The following ADGRB3 variants were observed in gnomAD, a reference collection of about 807,000 sequenced individuals.
The protein encoded by ADGRB3 is adhesion G protein-coupled receptor B3, also known as brain-specific angiogenesis inhibitor 3.
A neutral mutation model predicts 193.4 loss-of-function variants in ADGRB3; 37 were observed. That is an observed-to-expected ratio of 0.19 (90% CI 0.15 to 0.25). ADGRB3 has a LOEUF of 0.25. Ranked by LOEUF, ADGRB3 falls within the 10% of genes least tolerant of loss-of-function variation. The probability of loss-of-function intolerance (pLI) is 1.00; values close to 1 mark genes in which losing one functional copy is unlikely to be tolerated. For missense variants in ADGRB3, 1,637 were observed against 1,852.9 expected, an observed-to-expected ratio of 0.88 and a Z score of 2.14; for synonymous variants, 690 against 644.2, an observed-to-expected ratio of 1.07 and a Z score of -1.08.
intron 10 of ADGRB3, among the ~76,000 whole-genome samples, chr6:68,981,235 T>C (rs1022701165): frequency 1.3e-5 from 2 of 151,678 alleles, no homozygotes; most frequent in East Asian, 1.9e-4. Context: ...AGAAGTCTCT[T>C]TATTTTATTC....
chr6:69,302,560 A>G (rs1374414781), intron 20 of ADGRB3, among the ~76,000 whole-genome samples: 1 of 151,908 alleles, frequency 6.6e-6, no homozygotes, highest in Non-Finnish European at 1.5e-5. Flanking sequence ...CCCCAAACAT[A>G]ACGTCTGTAA....
intron 24 of ADGRB3, 43 bp from the exon 25 acceptor site, chr6:69,338,873 T>C (rs1416381245): frequency 6.4e-7 from 1 of 1,562,708 alleles, no homozygotes; most frequent in Non-Finnish European, 8.7e-7. Context: ...TTGGTGACAA[T>C]TCAATATTTT....
chr6:69,277,060 A>G (rs1767318519), intron 20 of ADGRB3, among the ~76,000 whole-genome samples: 1 of 141,322 alleles, frequency 7.1e-6, no homozygotes, highest in African/African-American at 2.7e-5. Context: ...CAGTGGCGTG[A>G]TCTCAGCTCA....
At chr6:68,720,427 A>T (rs1204017831) in intron 3 of ADGRB3, among the ~76,000 whole-genome samples, 1 of 151,574 alleles carries the variant, frequency 6.6e-6, no homozygotes, top group African/African-American at 2.4e-5. Flanking sequence ...TTTTAATTTT[A>T]CCTGATTCGA....
intron 20 of ADGRB3, among the ~76,000 whole-genome samples, chr6:69,268,179 C>A (rs1032724416): frequency 6.6e-6 from 1 of 152,058 alleles, no homozygotes; most frequent in Non-Finnish European, 1.5e-5. Context: ...TAAATAATTA[C>A]AGAAATTTGT....
chr6:69,326,211 C>T (rs979790745), intron 21 of ADGRB3, among the ~76,000 whole-genome samples: 4 of 152,112 alleles, frequency 2.6e-5, no homozygotes, highest in African/African-American at 4.8e-5. Context: ...CCACGACACT[C>T]CAACTTGTGT....
At chr6:68,861,832 C>T (rs1582263163) in intron 3 of ADGRB3, among the ~76,000 whole-genome samples, 2 of 152,094 alleles carry the variant, frequency 1.3e-5, no homozygotes, top group African/African-American at 2.4e-5. Flanking sequence ...ATGCTACTTA[C>T]CTCTCTGTGC....
At chr6:68,654,214 A>G (rs1768439766) in intron 3 of ADGRB3, among the ~76,000 whole-genome samples, 1 of 151,990 alleles carries the variant, frequency 6.6e-6, no homozygotes, top group Non-Finnish European at 1.5e-5. Flanking sequence ...ATCTCCCCTC[A>G]GAGGCGGGAG....
intron 3 of ADGRB3, among the ~76,000 whole-genome samples, chr6:68,743,920 G>C (rs1055057518): frequency 3.9e-5 from 6 of 151,902 alleles, no homozygotes; most frequent in African/African-American, 1.5e-4. Context: ...AGTGAGAATG[G>C]TTAGAGCCCT....
At chr6:68,936,701 A>G in intron 5 of ADGRB3, 21 bp downstream of exon 5, 1 of 1,602,224 alleles carries the variant, frequency 6.2e-7, no homozygotes, top group South Asian at 1.1e-5. Context: ...CAGCAACTAC[A>G]ACTGTGGATG....
chr6:69,131,799 C>G (rs1427423092), intron 17 of ADGRB3, among the ~76,000 whole-genome samples: 2 of 151,362 alleles, frequency 1.3e-5, no homozygotes, highest in South Asian at 4.2e-4. Flanking sequence ...CTGACAGGCC[C>G]TTTTGTGAGA....
At chr6:69,315,647 A>G (rs1007520074) in intron 20 of ADGRB3, among the ~76,000 whole-genome samples, 2 of 151,412 alleles carry the variant, frequency 1.3e-5, no homozygotes, top group Non-Finnish European at 3.0e-5. Context: ...ATTTCTTTCC[A>G]TAGCATAATT....
At chr6:69,265,533 A>C (rs766647473) in intron 20 of ADGRB3, among the ~76,000 whole-genome samples, 3 of 151,978 alleles carry the variant, frequency 2.0e-5, no homozygotes, top group Non-Finnish European at 4.4e-5. Context: ...TTTGATTAGA[A>C]TTTAACTTAA....
chr6:68,735,757 A>G (rs1484686525), intron 3 of ADGRB3, among the ~76,000 whole-genome samples: 1 of 152,068 alleles, frequency 6.6e-6, no homozygotes, highest in Admixed American at 6.6e-5. Flanking sequence ...TATAGAGAAA[A>G]AGAACTCAAG....
intron 17 of ADGRB3, among the ~76,000 whole-genome samples, chr6:69,081,166 A>G (rs1265478513): frequency 6.6e-6 from 1 of 152,064 alleles, no homozygotes; most frequent in African/African-American, 2.4e-5. Flanking sequence ...TTAAAATTCC[A>G]TAGAACTTTC....
At chr6:68,831,714 A>C (rs1275455514) in intron 3 of ADGRB3, among the ~76,000 whole-genome samples, 1 of 151,400 alleles carries the variant, frequency 6.6e-6, no homozygotes, top group Admixed American at 6.6e-5. Context: ...TAGTTTTAAG[A>C]AGGAAATAGT....
chr6:69,251,250 T>C (rs1425248720), intron 20 of ADGRB3, among the ~76,000 whole-genome samples: 1 of 152,212 alleles, frequency 6.6e-6, no homozygotes, highest in East Asian at 1.9e-4. Flanking sequence ...TTAACTTATA[T>C]TAACTTACGT....
intron 17 of ADGRB3, among the ~76,000 whole-genome samples, chr6:69,129,988 C>T (rs1179503921): frequency 1.3e-5 from 2 of 152,060 alleles, no homozygotes; most frequent in African/African-American, 4.8e-5. Context: ...ACTGGAAAAT[C>T]CCTTGTCCTA....
intron 27 of ADGRB3, among the ~76,000 whole-genome samples, chr6:69,355,424 T>G (rs1769317624): frequency 6.6e-6 from 1 of 152,136 alleles, no homozygotes; most frequent in South Asian, 2.1e-4. Flanking sequence ...AGCAATATAT[T>G]CAAATTGAAT....
Sources: gnomAD v4.1 joint callset for allele counts (sites outside exome capture counted in the v4.1 genomes callset) on GRCh38, gnomAD v4.1.1 for gene constraint, MANE v1.5 for transcripts, NCBI Gene and HGNC (gene_info 2026-07-23, HGNC 2026-07-21) for gene names.